PHACTR1: variants seen among roughly 807,000 people sequenced by gnomAD.
The protein encoded by PHACTR1 is RPEL repeat containing 1.
PHACTR1 carries 16 observed loss-of-function variants against 69.2 expected under a neutral mutation model. That is an observed-to-expected ratio of 0.23 (90% CI 0.16 to 0.35). The LOEUF is 0.35. PHACTR1 is among the 10% of genes least tolerant of loss of function. The pLI is 1.00. For synonymous variants in PHACTR1, 312 were observed against 284.5 expected (o/e 1.10, Z -0.97); for missense variants, 510 against 734.7 (o/e 0.69, Z 3.54).
intron 4 of PHACTR1, among the ~76,000 whole-genome samples, chr6:12,821,462 CAA>C (rs71552718): frequency 3.1e-4 from 25 of 80,940 alleles, no homozygotes; most frequent in East Asian, 1.7e-3. Context: ...GATTTCACAT[CAA>C]AAAAAAAAAA....
At chr6:13,212,572 T>C (rs1040439678) in intron 8 of PHACTR1, among the ~76,000 whole-genome samples, 3 of 152,194 alleles carry the variant, frequency 2.0e-5, no homozygotes, top group African/African-American at 7.2e-5. Context: ...TCATCTGCTA[T>C]GGTTTGAGCG....
At chr6:12,805,902 A>C (rs1774273641) in intron 4 of PHACTR1, among the ~76,000 whole-genome samples, 1 of 151,988 alleles carries the variant, frequency 6.6e-6, no homozygotes, top group Non-Finnish European at 1.5e-5. Context: ...TGCCCGGCCT[A>C]TTTTCTTATC....
chr6:13,028,838 C>T (rs1255857955), intron 4 of PHACTR1, among the ~76,000 whole-genome samples: 4 of 152,092 alleles, frequency 2.6e-5, no homozygotes, highest in African/African-American at 9.7e-5. Context: ...CGAGTGAGTT[C>T]ACCAAAGCAA....
chr6:12,850,724 G>C (rs1404114491), intron 4 of PHACTR1, among the ~76,000 whole-genome samples: 2 of 152,152 alleles, frequency 1.3e-5, no homozygotes, highest in Non-Finnish European at 2.9e-5. Flanking sequence ...CTGATGTTTG[G>C]CAGTCCTTGG....
chr6:13,212,953 T>C (rs1464459465), intron 8 of PHACTR1, among the ~76,000 whole-genome samples: 3 of 152,208 alleles, frequency 2.0e-5, no homozygotes. Context: ...TTTCACCATC[T>C]AACGTTTTGT....
At chr6:13,170,859 C>T (rs1438682002) in intron 6 of PHACTR1, among the ~76,000 whole-genome samples, 1 of 152,200 alleles carries the variant, frequency 6.6e-6, no homozygotes. Context: ...TCACTGTTCC[C>T]AGGCCCAAGC....
intron 11 of PHACTR1, 118 bp from the exon 12 acceptor site, chr6:13,278,150 A>C: frequency 1.1e-6 from 1 of 922,390 alleles, no homozygotes; most frequent in Admixed American, 2.5e-5. Context: ...GGACAGGAGT[A>C]CTCTCTTCCC....
At chr6:13,056,829 C>A (rs1044262919) in intron 5 of PHACTR1, among the ~76,000 whole-genome samples, 3 of 152,114 alleles carry the variant, frequency 2.0e-5, no homozygotes, top group Admixed American at 6.6e-5. Context: ...CAGATATCAC[C>A]TGAGAGATGG....
chr6:12,771,935 G>A (rs994902098), intron 4 of PHACTR1, among the ~76,000 whole-genome samples: 4 of 152,150 alleles, frequency 2.6e-5, no homozygotes, highest in African/African-American at 9.7e-5. Flanking sequence ...AGACCAGGGA[G>A]ACCATGTTCT....
At chr6:13,037,395 G>A (rs4609030) in intron 4 of PHACTR1, among the ~76,000 whole-genome samples, 1 of 152,140 alleles carries the variant, frequency 6.6e-6, no homozygotes, top group Non-Finnish European at 1.5e-5. Flanking sequence ...TCAACCTCTA[G>A]GAAGCTCATG....
intron 10 of PHACTR1, among the ~76,000 whole-genome samples, chr6:13,268,472 G>C (rs964838333): frequency 6.6e-6 from 1 of 152,202 alleles, no homozygotes; most frequent in Admixed American, 6.5e-5. Flanking sequence ...AGGAGACTTT[G>C]CAACTGGAAT....
intron 4 of PHACTR1, among the ~76,000 whole-genome samples, chr6:12,974,591 C>T (rs1471736197): frequency 1.3e-5 from 2 of 152,160 alleles, no homozygotes; most frequent in Admixed American, 6.5e-5. Flanking sequence ...AAATAAAAAT[C>T]AATTCACCAA....
intron 4 of PHACTR1, among the ~76,000 whole-genome samples, chr6:12,787,536 A>T (rs1390312222): frequency 6.6e-6 from 1 of 152,198 alleles, no homozygotes; most frequent in East Asian, 1.9e-4. Context: ...GAACAGTCAG[A>T]GGTAGATTCT....
intron 5 of PHACTR1, among the ~76,000 whole-genome samples, chr6:13,130,534 T>TAC (rs1554134549): frequency 6.6e-6 from 1 of 152,118 alleles, no homozygotes; most frequent in Non-Finnish European, 1.5e-5. Flanking sequence ...TGAACACCTT[T>TAC]ACACACACAA....
intron 4 of PHACTR1, among the ~76,000 whole-genome samples, chr6:13,025,799 A>G (rs1801622886): frequency 6.6e-6 from 1 of 152,144 alleles, no homozygotes; most frequent in South Asian, 2.1e-4. Context: ...ATTACATCAT[A>G]TAGAAATTGG....
intron 7 of PHACTR1, among the ~76,000 whole-genome samples, chr6:13,183,427 A>G (rs1261060942): frequency 7.0e-6 from 1 of 141,892 alleles, no homozygotes; most frequent in East Asian, 2.5e-4. Flanking sequence ...ATCCACATCC[A>G]TAGGCAGTCA....
chr6:12,816,185 A>C (rs545719619), intron 4 of PHACTR1, among the ~76,000 whole-genome samples: 1 of 152,240 alleles, frequency 6.6e-6, no homozygotes, highest in Non-Finnish European at 1.5e-5. Flanking sequence ...CATTAACGTA[A>C]AGAAGCTGTT....
intron 4 of PHACTR1, among the ~76,000 whole-genome samples, chr6:12,938,335 A>T (rs1789693361): frequency 6.6e-6 from 1 of 152,118 alleles, no homozygotes; most frequent in Non-Finnish European, 1.5e-5. Flanking sequence ...ATTTGCCTTC[A>T]CCAAGCTAAT....
chr6:12,975,699 A>T (rs904118240), intron 4 of PHACTR1, among the ~76,000 whole-genome samples: 1 of 152,154 alleles, frequency 6.6e-6, no homozygotes, highest in African/African-American at 2.4e-5. Context: ...CTCCCACCCC[A>T]GCCTCCTGAG....
Sources: allele counts gnomAD v4.1 joint callset (sites outside exome capture counted in the v4.1 genomes callset), GRCh38; gene constraint gnomAD v4.1.1; transcripts MANE v1.5; gene names NCBI Gene and HGNC (gene_info 2026-07-23, HGNC 2026-07-21).